SPAG9: variants seen among roughly 807,000 people sequenced by gnomAD.
The protein encoded by SPAG9 is sperm associated antigen 9, also known as C-Jun-amino-terminal kinase-interacting protein 4.
A neutral mutation model predicts 166.5 loss-of-function variants in SPAG9; 35 were observed. The ratio of observed to expected loss-of-function variants is 0.21; its 90% CI spans 0.16 to 0.28. The LOEUF is 0.28. Ranked by LOEUF, SPAG9 falls within the 10% of genes least tolerant of loss-of-function variation. The pLI, the probability that SPAG9 is intolerant of heterozygous loss-of-function variation, is 1.00. For missense variants in SPAG9, 1,235 were observed against 1,603.3 expected (o/e 0.77, Z 3.92); for synonymous variants, 534 against 565.5 (o/e 0.94, Z 0.79).
At chr17:51,098,559 C>A (rs1231753077) in intron 1 of SPAG9, among the ~76,000 whole-genome samples, 1 of 151,756 alleles carries the variant, frequency 6.6e-6, no homozygotes, top group Non-Finnish European at 1.5e-5. Flanking sequence ...GTGGTGTGAT[C>A]TCGGCTCACT....
At chr17:50,989,592 A>G in intron 21 of SPAG9, 85 bp downstream of exon 21, 1 of 1,056,428 alleles carries the variant, frequency 9.5e-7, no homozygotes, top group Non-Finnish European at 1.4e-6. Context: ...AATTAGTGGA[A>G]ATCTTTTGAC....
intron 1 of SPAG9, among the ~76,000 whole-genome samples, chr17:51,085,962 T>C (rs1409986214): frequency 7.3e-6 from 1 of 136,250 alleles, no homozygotes; most frequent in Non-Finnish European, 1.6e-5. Context: ...GGAAATCATT[T>C]TTTTTTTTTT....
At chr17:50,984,611 G>C (rs1423600806) in intron 24 of SPAG9, among the ~76,000 whole-genome samples, 1 of 152,130 alleles carries the variant, frequency 6.6e-6, no homozygotes, top group East Asian at 1.9e-4. Context: ...GTGTGAACCC[G>C]GGAGGCGGAG....
chr17:51,006,848 T>C (rs1177114292), intron 10 of SPAG9, among the ~76,000 whole-genome samples: 1 of 152,104 alleles, frequency 6.6e-6, no homozygotes, highest in Non-Finnish European at 1.5e-5. Context: ...AATGCACAGC[T>C]ATGGAAGACA....
chr17:51,056,266 T>G (rs982738572), intron 3 of SPAG9, 146 bp downstream of exon 3: 1 of 641,926 alleles, frequency 1.6e-6, no homozygotes, highest in Non-Finnish European at 2.8e-6. Flanking sequence ...AAATGCCACA[T>G]GAAATTTAAT....
intron 8 of SPAG9, chr17:51,014,698 T>C (rs2045627505): frequency 5.7e-6 from 1 of 176,554 alleles, no homozygotes. Context: ...CTGGTTAGAG[T>C]AGCATTTCTC....
At chr17:51,115,193 T>A (rs1332280189) in intron 1 of SPAG9, among the ~76,000 whole-genome samples, 1 of 152,030 alleles carries the variant, frequency 6.6e-6, no homozygotes, top group African/African-American at 2.4e-5. Flanking sequence ...CATCCTATTG[T>A]TTTGTTTTTT....
intron 3 of SPAG9, among the ~76,000 whole-genome samples, chr17:51,053,894 T>TATATATATATATAG: frequency 9.2e-6 from 1 of 108,616 alleles, no homozygotes; most frequent in Non-Finnish European, 1.9e-5. Context: ...TATATATATA[T>TATATATATATATAG]ATATAAAACA....
chr17:51,072,424 T>C (rs757934565), intron 2 of SPAG9, among the ~76,000 whole-genome samples: 1 of 149,758 alleles, frequency 6.7e-6, no homozygotes, highest in Non-Finnish European at 1.5e-5. Flanking sequence ...GGTTCATGCC[T>C]GTAATCCCAG....
intron 1 of SPAG9, among the ~76,000 whole-genome samples, chr17:51,115,518 T>A (rs147672341): frequency 6.6e-6 from 1 of 151,718 alleles, no homozygotes; most frequent in African/African-American, 2.4e-5. Flanking sequence ...ATTCTCTGCA[T>A]GTATGAGTCT....
intron 24 of SPAG9, among the ~76,000 whole-genome samples, chr17:50,982,940 T>A (rs995694409): frequency 6.6e-6 from 1 of 152,240 alleles, no homozygotes; most frequent in Non-Finnish European, 1.5e-5. Context: ...GATGTGATGA[T>A]AAATCAGTTA....
chr17:51,034,224 C>T (rs796785009), intron 5 of SPAG9, among the ~76,000 whole-genome samples: 5 of 152,262 alleles, frequency 3.3e-5, no homozygotes, highest in African/African-American at 1.2e-4. Flanking sequence ...TAAAACTCTA[C>T]TTTTATTTTA....
chr17:50,972,579 T>C (rs1253904764), intron 28 of SPAG9, among the ~76,000 whole-genome samples: 1 of 152,204 alleles, frequency 6.6e-6, no homozygotes, highest in Non-Finnish European at 1.5e-5. Flanking sequence ...CAAGATTTAA[T>C]TGTGGGATAT....
intron 20 of SPAG9, chr17:50,990,159 C>T (rs1245514783): frequency 5.8e-6 from 3 of 518,730 alleles, no homozygotes; most frequent in Non-Finnish European, 1.0e-5. Flanking sequence ...TCCCGAGTAG[C>T]TGGGACTACA....
intron 5 of SPAG9, among the ~76,000 whole-genome samples, chr17:51,035,532 C>T (rs2046552824): frequency 6.6e-6 from 1 of 152,192 alleles, no homozygotes; most frequent in Non-Finnish European, 1.5e-5. Context: ...AATTTCAGAA[C>T]TTAACCACAA....
intron 12 of SPAG9, among the ~76,000 whole-genome samples, chr17:51,002,659 G>A (rs1036831757): frequency 2.0e-5 from 3 of 151,874 alleles, no homozygotes; most frequent in African/African-American, 7.3e-5. Context: ...TTGGGAAGCT[G>A]AGGTAGGAGG....
rs1567981541 is a variant in SPAG9 at position 50,999,726 on chromosome 17, A to AAAAAG, written c.1608-14_1608-10dup. 3.1e-6 allele frequency: 5 copies of AAAAAG among 1,610,774 alleles called. No homozygotes were observed. The highest frequency in any genetic ancestry group is 2.2e-5 in the South Asian group (2 of 90,632). On this transcript the variant is annotated splice_polypyrimidine_tract_variant and intron_variant, in intron 13 of 29. Transcript: ENST00000262013. Reference sequence around the variant, plus strand: ...GATTTTCTCGTGATGCCCTACATTCAAAAAGAAAAGAAAAGAAACATTTAT... The same window carrying AAAAAG: ...GATTTTCTCGTGATGCCCTACATTCAAAAAGAAAAGAAAAGAAAAGAAACATTTAT...
chr17:51,014,566 T>C (rs2045621827), intron 8 of SPAG9: 1 of 448,258 alleles, frequency 2.2e-6, no homozygotes, highest in Non-Finnish European at 3.9e-6. Flanking sequence ...TAGAATGTTT[T>C]TGTTGTGTGA....
In SPAG9 at chr17:51,120,313, G is replaced by C; in HGVS notation, c.303+41C>G. Reference sequence around the variant, plus strand: ...CCGCGACCCCGCCCCGGCCGCCCCCGGAGACGGATCCCGCGGCCCCCGCCC... The same window carrying C: ...CCGCGACCCCGCCCCGGCCGCCCCCCGAGACGGATCCCGCGGCCCCCGCCC... On this transcript the variant is annotated intron_variant, in intron 1 of 29. Transcript: ENST00000262013. This position sits in a 1 kb window ranked among gnomAD's most constrained non-coding sequence, Gnocchi z 4.7. 7.1e-5 allele frequency: 95 copies of C among 1,345,458 alleles called. No individual in the cohort carries two copies. The highest frequency in any genetic ancestry group is 8.7e-5 in the Non-Finnish European group (87 of 1,004,278). 83.3% of individuals were successfully genotyped at this position (1,345,458 alleles called of 1,614,324 possible). A position where few individuals can be genotyped will look rare whatever the true frequency, so the allele number is the denominator to read the frequency against.
Sources: allele counts gnomAD v4.1 joint callset (sites outside exome capture counted in the v4.1 genomes callset), GRCh38; gene constraint gnomAD v4.1.1; non-coding constraint Gnocchi (gnomAD v3.1); transcripts MANE v1.5; gene names NCBI Gene and HGNC (gene_info 2026-07-23, HGNC 2026-07-21).